Variants in SLC16A2 observed in about 807,000 individuals in gnomAD.
The protein encoded by SLC16A2 is monocarboxylate transporter 8.
In SLC16A2, 3 loss-of-function variants were observed where a neutral mutation model predicts 27.2. That is an observed-to-expected ratio of 0.11 (90% CI 0.05 to 0.28). SLC16A2 has a LOEUF of 0.28. Ranked by LOEUF, SLC16A2 falls within the 10% of genes least tolerant of loss-of-function variation. The probability of loss-of-function intolerance (pLI) is 1.00; values close to 1 mark genes in which losing one functional copy is unlikely to be tolerated. For synonymous variants in SLC16A2, 202 were observed against 187.8 expected, an observed-to-expected ratio of 1.08 and a Z score of -0.62; for missense variants, 295 against 458.5, an observed-to-expected ratio of 0.64 and a Z score of 3.26.
chrX:74,518,594 A>G (rs772060351), intron 1 of SLC16A2, among the ~76,000 whole-genome samples: 95 of 108,388 alleles, frequency 8.8e-4, no homozygotes, highest in African/African-American at 2.9e-3. Flanking sequence ...TGTCTCAAGA[A>G]AAAAAAAAAA....
At chrX:74,488,016 A>C (rs1188162173) in intron 1 of SLC16A2, among the ~76,000 whole-genome samples, 1 of 112,231 alleles carries the variant, frequency 8.9e-6, no homozygotes, top group Non-Finnish European at 1.9e-5. Context: ...TTAACATAAC[A>C]TTACTTTAAG....
chrX:74,460,775 T>C (rs1376183557), intron 1 of SLC16A2, among the ~76,000 whole-genome samples: 3 of 111,476 alleles, frequency 2.7e-5, no homozygotes, highest in Non-Finnish European at 3.8e-5. Flanking sequence ...CTCAGCCTCC[T>C]GAGTAGCTGG....
intron 1 of SLC16A2, among the ~76,000 whole-genome samples, chrX:74,443,032 T>A (rs1443218019): frequency 8.9e-6 from 1 of 111,796 alleles, no homozygotes; most frequent in Non-Finnish European, 1.9e-5. Context: ...GAGAATTCAG[T>A]CTTAACTCTG....
intron 1 of SLC16A2, among the ~76,000 whole-genome samples, chrX:74,464,379 G>T (rs769824816): frequency 2.7e-5 from 3 of 111,832 alleles, no homozygotes; most frequent in Non-Finnish European, 5.6e-5. Flanking sequence ...GGCAGTTTTT[G>T]TTGTTGTTGA....
At chrX:74,507,324 C>A (rs965749327) in intron 1 of SLC16A2, among the ~76,000 whole-genome samples, 3 of 110,679 alleles carry the variant, frequency 2.7e-5, no homozygotes, top group African/African-American at 9.9e-5. Context: ...AATAGTAAAC[C>A]GCATATATTT....
chrX:74,423,067 T>C (rs1928340165), intron 1 of SLC16A2, among the ~76,000 whole-genome samples: 3 of 112,820 alleles, frequency 2.7e-5, no homozygotes, highest in African/African-American at 9.6e-5. Context: ...GCTCTTCTCA[T>C]TGAGGCCGCC....
intron 1 of SLC16A2, among the ~76,000 whole-genome samples, chrX:74,472,503 C>T (rs1303758258): frequency 1.8e-5 from 2 of 111,034 alleles, no homozygotes; most frequent in Non-Finnish European, 3.8e-5. Context: ...AATCAATTCA[C>T]AGGAAATATA....
At chrX:74,477,309 T>C (rs1422054931) in intron 1 of SLC16A2, among the ~76,000 whole-genome samples, 1 of 112,141 alleles carries the variant, frequency 8.9e-6, no homozygotes, top group Non-Finnish European at 1.9e-5. Context: ...TGTATTTCTG[T>C]GGGATCGGTG....
intron 1 of SLC16A2, among the ~76,000 whole-genome samples, chrX:74,478,246 C>T (rs1449549169): frequency 2.7e-5 from 3 of 111,490 alleles, no homozygotes; most frequent in Non-Finnish European, 5.6e-5. Flanking sequence ...ATGTAATGGC[C>T]TTCTTTGTCT....
intron 1 of SLC16A2, among the ~76,000 whole-genome samples, chrX:74,505,672 G>A (rs1930111726): frequency 8.9e-6 from 1 of 112,135 alleles, no homozygotes; most frequent in Non-Finnish European, 1.9e-5. Flanking sequence ...AATCCTGGCA[G>A]CCAGCCTTCC....
intron 1 of SLC16A2, among the ~76,000 whole-genome samples, chrX:74,484,122 CTG>C (rs1929674462): frequency 8.9e-6 from 1 of 111,778 alleles, no homozygotes; most frequent in East Asian, 2.8e-4. Flanking sequence ...GAGTCAAACT[CTG>C]TAAAATATTT....
At chrX:74,439,429 C>T (rs1387711312) in intron 1 of SLC16A2, among the ~76,000 whole-genome samples, 1 of 103,263 alleles carries the variant, frequency 9.7e-6, no homozygotes, top group East Asian at 3.1e-4. Context: ...TCCACCTCAG[C>T]CTCCTTGTGT....
intron 1 of SLC16A2, among the ~76,000 whole-genome samples, chrX:74,426,070 G>C (rs1207146782): frequency 1.8e-5 from 2 of 112,148 alleles, no homozygotes; most frequent in Non-Finnish European, 3.8e-5. Flanking sequence ...GGTGGGGCCA[G>C]GTAGAGTAGG....
At chrX:74,468,670 T>TA (rs1036809261) in intron 1 of SLC16A2, among the ~76,000 whole-genome samples, 3 of 111,975 alleles carry the variant, frequency 2.7e-5, no homozygotes, top group African/African-American at 9.7e-5. Context: ...GGTACAATTT[T>TA]AAAAAAATAT....
chrX:74,489,384 T>G (rs1929781869), intron 1 of SLC16A2, among the ~76,000 whole-genome samples: 1 of 112,192 alleles, frequency 8.9e-6, no homozygotes, highest in Non-Finnish European at 1.9e-5. Context: ...TTTATAACCC[T>G]TATGACTAAT....
At chrX:74,449,790 A>AAGG (rs750027435) in intron 1 of SLC16A2, among the ~76,000 whole-genome samples, 39 of 111,500 alleles carry the variant, frequency 3.5e-4, no homozygotes, top group Non-Finnish European at 6.8e-4. Flanking sequence ...TCTAACTGTA[A>AAGG]AGGCCTTGAT....
At chrX:74,474,914 A>T (rs1333050146) in intron 1 of SLC16A2, among the ~76,000 whole-genome samples, 3 of 110,462 alleles carry the variant, frequency 2.7e-5, no homozygotes, top group Non-Finnish European at 5.7e-5. Flanking sequence ...AGTCTTTGCT[A>T]TTGTGAATAG....
At position 74,424,583 on chromosome X, in the gene SLC16A2, T is replaced by A. The variant is rs1311618897; in HGVS notation, c.430+2516T>A. 4.5e-5 allele frequency among the ~76,000 whole-genome samples: 5 copies of A among 112,248 alleles called. No individual in the cohort carries two copies. The Admixed American group carries it at 4.7e-4, about 11-fold the overall frequency. On this transcript the variant is annotated intron_variant, in intron 1 of 5. Transcript: ENST00000587091. ...CTAATAGAAGTTTGTGTCATTTTTA[T>A]CAGCCAGTATTTGTCCAATAGCCAT...
At chrX:74,505,584 T>C (rs1930110336) in intron 1 of SLC16A2, among the ~76,000 whole-genome samples, 1 of 112,048 alleles carries the variant, frequency 8.9e-6, no homozygotes, top group South Asian at 3.7e-4. Flanking sequence ...TCATGCTTCA[T>C]GAAGTCGTAG....
Sources: gnomAD v4.1 joint callset for allele counts (sites outside exome capture counted in the v4.1 genomes callset) on GRCh38, gnomAD v4.1.1 for gene constraint, MANE v1.5 for transcripts, NCBI Gene and HGNC (gene_info 2026-07-23, HGNC 2026-07-21) for gene names.